Variants in PIEZO2 observed in about 807,000 individuals in gnomAD.
The protein encoded by PIEZO2 is piezo type mechanosensitive ion channel component 2.
Under a neutral mutation model 337.3 loss-of-function variants are expected in PIEZO2, and 172 were observed. That is an observed-to-expected ratio of 0.51 (90% CI 0.45 to 0.58). The LOEUF (loss-of-function observed/expected upper bound fraction) is 0.58. Ranked by LOEUF, PIEZO2 falls within the 20% of genes least tolerant of loss-of-function variation. PIEZO2 has a pLI of 0.00. For missense variants in PIEZO2, 3,028 were observed against 3,391.3 expected (o/e 0.89, Z 2.66); for synonymous variants, 1,251 against 1,228.5 (o/e 1.02, Z -0.38).
chr18:10,975,214 TA>T (rs2034397497), intron 3 of PIEZO2, among the ~76,000 whole-genome samples: 1 of 152,242 alleles, frequency 6.6e-6, no homozygotes, highest in South Asian at 2.1e-4. Flanking sequence ...TAGCATGCTT[TA>T]AGCACAGCAC....
At position 10,859,288 on chromosome 18, in the gene PIEZO2, G is replaced by A. The variant is rs1283902812; in HGVS notation, c.493-2077C>T. Among the ~76,000 whole-genome samples the A allele has an allele frequency of 6.6e-6, 1 of 152,172 alleles. No individual in the cohort carries two copies. Among genetic ancestry groups the A allele is most frequent in the Non-Finnish European group, 1.5e-5 (1 of 68,032 alleles). On this transcript the variant is annotated intron_variant, in intron 5 of 55. Transcript: ENST00000674853. This position sits in a 1 kb window ranked among gnomAD's most constrained non-coding sequence, Gnocchi z 4.9. ...GAGGGTAAGTGTCCCCAGGCCCGTG[G>A]CCACTTCCGCTCCCCTAGAGAACAA...
At chr18:10,864,156 T>A (rs116435091) in intron 5 of PIEZO2, among the ~76,000 whole-genome samples, 184 of 152,364 alleles carry the variant, frequency 1.2e-3, no homozygotes, top group African/African-American at 4.0e-3. Context: ...ACATCTTTGA[T>A]ATGAAGGTGT....
rs1469876114 is a variant in PIEZO2, at chr18:10,895,704, A to G, written c.329+15482T>C. On this transcript the variant is annotated intron_variant, in intron 4 of 55. Transcript: ENST00000674853. The surrounding 1 kb of genome is among the most constrained non-coding windows in gnomAD (Gnocchi z 4.8). ...CCTCTGACCTGCACATTTCATCTCT[A>G]CCCAATGGACTACCAGCAACAGGTG... Among the ~76,000 whole-genome samples the G allele has an allele frequency of 2.0e-5, 3 of 151,976 alleles. No homozygotes were observed. The East Asian group carries it at 5.8e-4, about 29-fold the overall frequency.
intron 7 of PIEZO2, among the ~76,000 whole-genome samples, chr18:10,825,135 A>C (rs1312748058): frequency 6.6e-6 from 1 of 152,180 alleles, no homozygotes; most frequent in African/African-American, 2.4e-5. Flanking sequence ...AAGTGCTGGG[A>C]TTACAGGAGT....
At chr18:11,025,056 G>C (rs1359946004) in intron 2 of PIEZO2, among the ~76,000 whole-genome samples, 2 of 151,884 alleles carry the variant, frequency 1.3e-5, no homozygotes, top group African/African-American at 4.8e-5. Context: ...ATTTCTATAA[G>C]CGTCCTCTCT....
chr18:10,726,783 T>C lies in PIEZO2; in HGVS notation c.5029+4624A>G, dbSNP rs1398307860. On this transcript the variant is annotated intron_variant, in intron 36 of 55. Coordinates refer to ENST00000674853, the MANE Select transcript of PIEZO2 (RefSeq NM_001378183.1). This position sits in a 1 kb window ranked among gnomAD's most constrained non-coding sequence, Gnocchi z 5.9. ...TGACCTCACTGGGCAAGGTGTCCTATGAGGATGTGGACCACCTGCGGCCCC... is the reference window on the plus strand; with the variant it reads ...TGACCTCACTGGGCAAGGTGTCCTACGAGGATGTGGACCACCTGCGGCCCC... The C allele has an allele frequency of 2.6e-6, 4 of 1,545,512 alleles. No individual in the cohort carries two copies. Among genetic ancestry groups the C allele is most frequent in the Non-Finnish European group, 2.7e-6 (3 of 1,123,472 alleles).
In PIEZO2 at chr18:11,041,766, T is replaced by C. The variant is rs113223659; in HGVS notation, c.160+24361A>G. Among the ~76,000 whole-genome samples the C allele has an allele frequency of 6.0e-3, 911 of 152,260 alleles. 10 individuals carry two copies. The highest frequency in any genetic ancestry group is 0.021 in the African/African-American group (858 of 41,534). On this transcript the variant is annotated intron_variant, in intron 2 of 55. Transcript: ENST00000674853. ...GTAAATGCTATACAAATTTGGAAAATTGAGTAAAACCCAACAAGGAACCTA... is the reference window on the plus strand; with the variant it reads ...GTAAATGCTATACAAATTTGGAAAACTGAGTAAAACCCAACAAGGAACCTA...
intron 3 of PIEZO2, among the ~76,000 whole-genome samples, chr18:10,920,170 T>C (rs922299830): frequency 6.6e-6 from 1 of 152,188 alleles, no homozygotes; most frequent in Non-Finnish European, 1.5e-5. Context: ...AGACTCTTGC[T>C]CTTATCAATA....
intron 33 of PIEZO2, chr18:10,738,129 C>A (rs1036901192): frequency 6.6e-6 from 1 of 152,168 alleles, no homozygotes; most frequent in African/African-American, 2.4e-5. Context: ...TGCAATACAA[C>A]ACAAGTGAGA....
intron 1 of PIEZO2, among the ~76,000 whole-genome samples, chr18:11,100,697 G>A (rs1272771550): frequency 1.3e-5 from 2 of 152,188 alleles, no homozygotes; most frequent in South Asian, 2.1e-4. Context: ...CCGGGTTCAC[G>A]CCATTCTCCT....
chr18:10,948,172 G>T (rs994071365), intron 3 of PIEZO2, among the ~76,000 whole-genome samples: 10 of 151,848 alleles, frequency 6.6e-5, no homozygotes, highest in African/African-American at 2.4e-4. Context: ...TTGCTAATCT[G>T]CATGTCTTAA....
intron 1 of PIEZO2, among the ~76,000 whole-genome samples, chr18:11,068,022 C>T (rs916267732): frequency 2.6e-5 from 4 of 152,170 alleles, no homozygotes; most frequent in South Asian, 2.1e-4. Flanking sequence ...CCCAGGTTCA[C>T]GCCATTTTCC....
intron 2 of PIEZO2, among the ~76,000 whole-genome samples, chr18:11,064,905 C>T (rs1393117560): frequency 2.0e-5 from 3 of 152,048 alleles, no homozygotes; most frequent in East Asian, 1.9e-4. Flanking sequence ...TTTCTCAGGC[C>T]GGAAACTATT....
rs1426394834 is a variant in PIEZO2, at chr18:11,060,799, T to C, written c.160+5328A>G. Among the ~76,000 whole-genome samples the C allele has an allele frequency of 6.6e-5, 10 of 152,178 alleles. 1 individual carries two copies. Among genetic ancestry groups the C allele is most frequent in the Admixed American group, 5.2e-4 (8 of 15,282 alleles). On this transcript the variant is annotated intron_variant, in intron 2 of 55. Coordinates refer to ENST00000674853, the MANE Select transcript of PIEZO2 (RefSeq NM_001378183.1). The stretch of plus-strand genomic sequence containing the variant: ...CAACCAGAAAAAGTCCAGGACCAGA[T>C]GGATTCACAGCCGAATTCTACCAGA...
At position 10,704,414 on chromosome 18, in the gene PIEZO2, T is replaced by A. The variant is rs2035477284; in HGVS notation, c.6238A>T (p.Met2080Leu). Residue 2080 changes from methionine (M) to leucine (L), a missense_variant, in exon 42 of 56, where the codon ATG (methionine) becomes TTG (leucine). By Grantham distance (15) the Met-to-Leu change is conservative. Around this residue, in one of 5 missense-constraint regions of PIEZO2, gnomAD observed 1,925 missense variants for 2,051.9 expected, o/e 0.94. Coordinates refer to ENST00000674853, the MANE Select transcript of PIEZO2 (RefSeq NM_001378183.1). Reference protein sequence around the residue: ...VPRPSRRFWMMAIVYTEVAIV... With the variant: ...VPRPSRRFWMLAIVYTEVAIV... ...CCTACCTCAGTATAGACGATGGCCATCATCCAGAACCGGCGGCTGGGCCTG... is the reference window on the plus strand; with the variant it reads ...CCTACCTCAGTATAGACGATGGCCAACATCCAGAACCGGCGGCTGGGCCTG... 2.0e-6 allele frequency: 3 copies of A among 1,537,082 alleles called. No individual in the cohort carries two copies. Among genetic ancestry groups the A allele is most frequent in the African/African-American group, 2.7e-5 (2 of 73,016 alleles).
chr18:10,731,264 A>G (rs2036774122), intron 36 of PIEZO2, 143 bp downstream of exon 36: 1 of 418,302 alleles, frequency 2.4e-6, no homozygotes, highest in Non-Finnish European at 4.2e-6. Context: ...AGAAATGACC[A>G]ATTAGGACAA....
intron 1 of PIEZO2, among the ~76,000 whole-genome samples, chr18:11,071,773 AG>A (rs1317304733): frequency 6.6e-6 from 1 of 152,090 alleles, no homozygotes; most frequent in African/African-American, 2.4e-5. Flanking sequence ...ACAGCCCCAA[AG>A]AGCCCAGTGT....
rs750661652 is a variant in PIEZO2 at position 10,804,013 on chromosome 18, A to G, written c.1081-19T>C. ...CCTGCACCTGAAACACAGAAACAGG[A>G]TCAGTCTTGCTTCCTGAGGCAGTTC... On this transcript the variant is annotated intron_variant, in intron 8 of 55. Transcript: ENST00000674853. 4 of 1,537,136 alleles carry G rather than the reference A, an allele frequency of 2.6e-6. No homozygotes were observed. Among genetic ancestry groups the G allele is most frequent in the South Asian group, 2.4e-5 (2 of 84,036 alleles).
In PIEZO2 at chr18:10,803,963, T is replaced by A. The variant is rs1265711106; in HGVS notation, c.1112A>T (p.Lys371Ile). Reference sequence around the variant, plus strand: ...TTGGATGGGGCTACAAGCCAGGGCTTTGTCCTCTTCTTTGGTCCCCTCATC... The same window carrying A: ...TTGGATGGGGCTACAAGCCAGGGCTATGTCCTCTTCTTTGGTCCCCTCATC... ...VQDEGTKEED[K>I]ALACSPIQIT... Residue 371 changes from lysine (K) to isoleucine (I), a missense_variant, in exon 9 of 56, where the codon AAA (lysine) becomes ATA (isoleucine). Around this residue, in one of 5 missense-constraint regions of PIEZO2, gnomAD observed 542 missense variants for 605.6 expected, o/e 0.89. Transcript: ENST00000674853. 1.9e-5 allele frequency: 29 copies of A among 1,537,254 alleles called. No individual in the cohort carries two copies. Among genetic ancestry groups the A allele is most frequent in the Non-Finnish European group, 2.4e-5 (28 of 1,146,954 alleles).
Sources: gnomAD v4.1 joint callset for allele counts (sites outside exome capture counted in the v4.1 genomes callset) on GRCh38, gnomAD v4.1.1 for gene constraint, gnomAD v4.1.1 regional missense constraint, Gnocchi (gnomAD v3.1) non-coding constraint, MANE v1.5 for transcripts, NCBI Gene and HGNC (gene_info 2026-07-23, HGNC 2026-07-21) for gene names.